The following MYL3 variants were observed in gnomAD, a reference collection of about 807,000 sequenced individuals.
The protein encoded by MYL3 is CMLC1.
MYL3 carries 11 observed loss-of-function variants against 21.3 expected under a neutral mutation model. That is an observed-to-expected ratio of 0.52 (90% CI 0.32 to 0.85). MYL3 has a LOEUF of 0.85. Ranked by LOEUF, MYL3 falls within the 40% of genes least tolerant of loss-of-function variation. The pLI is 0.03. For missense variants in MYL3, 206 were observed against 253.3 expected, an observed-to-expected ratio of 0.81 and a Z score of 1.27; for synonymous variants, 88 against 91.6, an observed-to-expected ratio of 0.96 and a Z score of 0.22.
chr3:46,872,444 C>A (rs540077677), intron 1 of MYL3, among the ~76,000 whole-genome samples: 8 of 151,562 alleles, frequency 5.3e-5, no homozygotes, highest in South Asian at 2.1e-4. Flanking sequence ...GCCCCAAGAC[C>A]CCCCCCCTCA....
At chr3:46,870,458 A>AGACCCCACCTAGCCATG (rs1428502704) in intron 1 of MYL3, among the ~76,000 whole-genome samples, 1 of 150,818 alleles carries the variant, frequency 6.6e-6, no homozygotes, top group African/African-American at 2.4e-5. Flanking sequence ...GACCCCTTGC[A>AGACCCCACCTAGCCATG]GACCCCACCT....
Position 46,869,461 on chromosome 3 carries a change from T to C in MYL3, c.-217-2861A>G, listed in dbSNP as rs1702083732. ...CTGCACCCTGGGCCACATTCCTCCC[T>C]CCCCTTGCCTCCATTTCCCCAAGGT... On this transcript the variant is annotated intron_variant, in intron 1 of 3. Transcript: ENST00000431168. 2.0e-5 allele frequency among the ~76,000 whole-genome samples: 3 copies of C among 152,134 alleles called. No individual in the cohort carries two copies. In the South Asian group the frequency reaches 6.2e-4, roughly 32 times the overall value.
intron 1 of MYL3, chr3:46,881,215 G>A (rs1305484835): frequency 6.6e-6 from 1 of 152,308 alleles, no homozygotes; most frequent in Non-Finnish European, 1.5e-5. Flanking sequence ...CTGCGCTCCA[G>A]GCATCCCCAG....
Position 46,874,766 on chromosome 3 carries a change from T to C in MYL3, c.-218+7308A>G, listed in dbSNP as rs1231395696. Among the ~76,000 whole-genome samples, 1 of 152,150 alleles carries C rather than the reference T, an allele frequency of 6.6e-6. No homozygotes were observed. The highest frequency in any genetic ancestry group is 1.9e-4 in the East Asian group (1 of 5,192). ...ACACAATAGGGACGCACTAGGCTTC[T>C]GGGGATTTTACAACCACTGGAGCGG... On this transcript the variant is annotated intron_variant, in intron 1 of 3. Transcript: ENST00000431168. The surrounding 1 kb of genome is among the most constrained non-coding windows in gnomAD (Gnocchi z 4.1).
rs939074280 is a variant in MYL3, at chr3:46,860,045, T to C, written c.308-397A>G. On this transcript the variant is annotated intron_variant, in intron 3 of 6. Transcript: ENST00000292327. The surrounding 1 kb of genome is among the most constrained non-coding windows in gnomAD (Gnocchi z 4.6). ...CAATCAGAGACCTTCCCTGGGACTT[T>C]TGAACCCTTGGTGGGGGCTTGGGCC... 2.6e-5 allele frequency among the ~76,000 whole-genome samples: 4 copies of C among 151,892 alleles called. No individual in the cohort carries two copies. In the East Asian group the frequency reaches 7.7e-4, roughly 29 times the overall value.
chr3:46,872,672 A>G (rs896158754), intron 1 of MYL3, among the ~76,000 whole-genome samples: 6 of 152,242 alleles, frequency 3.9e-5, no homozygotes, highest in Non-Finnish European at 8.8e-5. Context: ...CTGCAGGGAC[A>G]GCCAGGCTGG....
At position 46,857,981 on chromosome 3, in the gene MYL3, AGGTCCAAG is replaced by A; in HGVS notation, c.*126_*133del. The A allele has an allele frequency of 1.8e-6, 1 of 567,988 alleles. No homozygotes were observed. The highest frequency in any genetic ancestry group is 3.2e-6 in the Non-Finnish European group (1 of 315,926). 35.2% of individuals were successfully genotyped at this position (567,988 alleles called of 1,614,324 possible). On this transcript the variant is annotated 3_prime_UTR_variant, in exon 7 of 7. Coordinates refer to ENST00000292327, the MANE Select transcript of MYL3 (RefSeq NM_000258.3). The surrounding 1 kb of genome is among the most constrained non-coding windows in gnomAD (Gnocchi z 5.0). ...GGCCAGAGACGGCAACCACGTGGAG[AGGTCCAAG>A]GGTTTTTGCAGGAGTCTTGGTAAGG... is the stretch of plus-strand genomic sequence containing the variant.
In MYL3 at chr3:46,863,442, G is replaced by C. The variant is rs1289115317; in HGVS notation, c.-52C>G. On this transcript the variant is annotated 5_prime_UTR_variant, in exon 1 of 7. Transcript: ENST00000292327. ...GTGGAGAGAAGAATGCAGAAAGCAG[G>C]GTAGGTGAGCCGCCTCACCCAGGCC... 6.2e-7 allele frequency: 1 copy of C among 1,604,380 alleles called. No homozygotes were observed. The highest frequency in any genetic ancestry group is 1.7e-5 in the Admixed American group (1 of 59,326).
chr3:46,874,688 G>A lies in MYL3; in HGVS notation c.-218+7386C>T, dbSNP rs545017528. 6.6e-6 allele frequency among the ~76,000 whole-genome samples: 1 copy of A among 152,316 alleles called. No homozygotes were observed. The highest frequency in any genetic ancestry group is 2.4e-5 in the African/African-American group (1 of 41,564). ...CCCATGCAGGGAGAGGCGGAAACACGTGTCAAACACGCCTGGGAGGGGGTA... is the reference window on the plus strand; with the variant it reads ...CCCATGCAGGGAGAGGCGGAAACACATGTCAAACACGCCTGGGAGGGGGTA... On this transcript the variant is annotated intron_variant, in intron 1 of 3. Coordinates refer to the MYL3 transcript ENST00000431168. This position sits in a 1 kb window ranked among gnomAD's most constrained non-coding sequence, Gnocchi z 4.1.
chr3:46,867,978 G>A (rs1040796422), upstream of MYL3, among the ~76,000 whole-genome samples: 1 of 152,228 alleles, frequency 6.6e-6, no homozygotes, highest in African/African-American at 2.4e-5. Flanking sequence ...GCCCCAAGGA[G>A]GCAAGAGCTG....
intron 1 of MYL3, among the ~76,000 whole-genome samples, chr3:46,872,571 G>A (rs944003919): frequency 7.2e-5 from 11 of 151,732 alleles, no homozygotes; most frequent in Non-Finnish European, 1.2e-4. Context: ...GCCAGAAGCC[G>A]TCACCACCTC....
chr3:46,870,267 C>A (rs1485531590), intron 1 of MYL3, among the ~76,000 whole-genome samples: 1 of 152,008 alleles, frequency 6.6e-6, no homozygotes, highest in African/African-American at 2.4e-5. Context: ...AAGTGGGCAC[C>A]AGACCAGGAT....
chr3:46,866,450 C>G (rs1240727794), upstream of MYL3: 1 of 152,238 alleles, frequency 6.6e-6, no homozygotes, highest in African/African-American at 2.4e-5. Flanking sequence ...TTCTGAGGAG[C>G]CTGTGGACTA....
In MYL3 at chr3:46,860,938, T is replaced by G; in HGVS notation, c.157+22A>C. ...AACCCCAGCCCAATCCTGCAACCCC[T>G]GGGTTCAAGACCCCTGCTCACCTTC... is the stretch of plus-strand genomic sequence containing the variant. On this transcript the variant is annotated intron_variant, in intron 2 of 6. Coordinates refer to ENST00000292327, the MANE Select transcript of MYL3 (RefSeq NM_000258.3). This position sits in a 1 kb window ranked among gnomAD's most constrained non-coding sequence, Gnocchi z 4.6. 3 of 1,614,048 alleles carry G rather than the reference T, an allele frequency of 1.9e-6. No homozygotes were observed. In the South Asian group the frequency reaches 3.3e-5, roughly 18 times the overall value.
rs1701965636 is a variant in MYL3, at chr3:46,859,396, C to T, written c.481+79G>A. On this transcript the variant is annotated intron_variant, in intron 4 of 6. Transcript: ENST00000292327. This position sits in a 1 kb window ranked among gnomAD's most constrained non-coding sequence, Gnocchi z 4.1. Reference sequence around the variant, plus strand: ...CTCTCTCCATTTCACCAATGGGTCACAGGCCTGGGGGGCAACAGAGTGGTT... The same window carrying T: ...CTCTCTCCATTTCACCAATGGGTCATAGGCCTGGGGGGCAACAGAGTGGTT... 1.9e-6 allele frequency: 3 copies of T among 1,582,060 alleles called. No homozygotes were observed. Among genetic ancestry groups the T allele is most frequent in the Non-Finnish European group, 2.6e-6 (3 of 1,153,930 alleles).
At chr3:46,863,632 C>G, upstream of MYL3, 1 of 528,654 alleles carries the variant, frequency 1.9e-6, no homozygotes, top group African/African-American at 1.9e-5. Flanking sequence ...CCATTCCTCC[C>G]AATCACCTGT....
At chr3:46,858,917 C>T (rs1453191838) in intron 4 of MYL3, among the ~76,000 whole-genome samples, 1 of 152,170 alleles carries the variant, frequency 6.6e-6, no homozygotes, top group East Asian at 1.9e-4. Context: ...GCAGCTCCCC[C>T]TTCTTACCCC....
chr3:46,870,479 GC>G (rs61157670), intron 1 of MYL3, among the ~76,000 whole-genome samples: 23,957 of 151,898 alleles, frequency 0.16, 1,985 homozygotes, highest in East Asian at 0.23. Flanking sequence ...AGCCATGGTG[GC>G]CCCCTACACC....
Position 46,860,558 on chromosome 3 carries a change from T to A in MYL3, c.307+118A>T. 5 of 1,438,158 alleles carry A rather than the reference T, an allele frequency of 3.5e-6. No homozygotes were observed. The highest frequency in any genetic ancestry group is 4.7e-6 in the Non-Finnish European group (5 of 1,059,526). The allele number at this position is 1,438,158 out of a possible 1,614,324, so 89.1% of individuals were successfully genotyped here. A position where few individuals can be genotyped will look rare whatever the true frequency, so the allele number is the denominator to read the frequency against. On this transcript the variant is annotated intron_variant, in intron 3 of 6. Coordinates refer to ENST00000292327, the MANE Select transcript of MYL3 (RefSeq NM_000258.3). The surrounding 1 kb of genome is among the most constrained non-coding windows in gnomAD (Gnocchi z 4.6). ...CCTGTGACTGGCCTCGGTGCCCTCA[T>A]CGGGACAATGCGAGATGTCAGGAAA...
Sources: allele counts gnomAD v4.1 joint callset (sites outside exome capture counted in the v4.1 genomes callset), GRCh38; gene constraint gnomAD v4.1.1; non-coding constraint Gnocchi (gnomAD v3.1); transcripts MANE v1.5; gene names NCBI Gene and HGNC (gene_info 2026-07-23, HGNC 2026-07-21).